NAA16: variants seen among roughly 807,000 people sequenced by gnomAD.
NAA16 encodes the protein NARG1-like protein.
Under a neutral mutation model 110.3 loss-of-function variants are expected in NAA16, and 97 were observed. The observed-to-expected ratio is 0.88, with a 90% confidence interval of 0.75 to 1.04. The LOEUF (loss-of-function observed/expected upper bound fraction) is 1.04, where lower values mean the gene tolerates loss of function less well. Among genes scored for constraint, NAA16 ranks in the 50% least tolerant of loss-of-function variants. The probability of loss-of-function intolerance (pLI) is 0.00; values close to 1 mark genes in which losing one functional copy is unlikely to be tolerated. For synonymous variants in NAA16, 372 were observed against 330.6 expected (o/e 1.13, Z -1.36); for missense variants, 1,017 against 1,005.1 (o/e 1.01, Z -0.16).
In NAA16 at chr13:41,328,797, A is replaced by G. The variant is rs140681188; in HGVS notation, c.765A>G (p.Ala255=). ...TCAAAAACTTGATTGATCGAAATGC[A>G]GAAAATTGGTGTTATTATGAAGGCT... The part of the protein sequence containing the change: ...EVFKNLIDRN[A]ENWCYYEGLE... Residue 255 remains alanine, a synonymous_variant, in exon 7 of 20, where the codon GCA becomes GCG. Coordinates refer to ENST00000379406, the MANE Select transcript of NAA16 (RefSeq NM_024561.5). 38 of 1,606,866 alleles carry G rather than the reference A, an allele frequency of 2.4e-5. No homozygotes were observed. The highest frequency in any genetic ancestry group is 2.8e-5 in the Non-Finnish European group (33 of 1,174,032).
intron 9 of NAA16, among the ~76,000 whole-genome samples, chr13:41,338,274 A>T (rs2042436807): frequency 6.6e-6 from 1 of 152,164 alleles, no homozygotes; most frequent in African/African-American, 2.4e-5. Context: ...ACATTAAAGG[A>T]TTTGTTTCTC....
chr13:41,343,929 C>T (rs924567970), intron 9 of NAA16, among the ~76,000 whole-genome samples: 2 of 152,182 alleles, frequency 1.3e-5, no homozygotes, highest in Non-Finnish European at 2.9e-5. Flanking sequence ...GCCTTGGCCT[C>T]CCAAAGTGCT....
chr13:41,317,421 A>T (rs1422584558), intron 2 of NAA16, among the ~76,000 whole-genome samples: 1 of 152,154 alleles, frequency 6.6e-6, no homozygotes, highest in Non-Finnish European at 1.5e-5. Context: ...GTTTTCTAAC[A>T]CTGGTGTTAA....
intron 6 of NAA16, among the ~76,000 whole-genome samples, chr13:41,326,493 CTCT>C (rs1331278280): frequency 1.3e-5 from 2 of 152,242 alleles, no homozygotes; most frequent in Admixed American, 1.3e-4. Flanking sequence ...GATTTTAAAA[CTCT>C]TCTTCTATTT....
intron 2 of NAA16, 146 bp from the exon 3 acceptor site, chr13:41,318,660 A>G (rs907146545): frequency 1.2e-5 from 5 of 414,000 alleles, no homozygotes; most frequent in Non-Finnish European, 2.1e-5. Context: ...TACTTTTTCT[A>G]CTTGGAGAGA....
chr13:41,347,205 A>G (rs1374853351), intron 9 of NAA16, among the ~76,000 whole-genome samples: 2 of 123,706 alleles, frequency 1.6e-5, no homozygotes, highest in Non-Finnish European at 3.3e-5. Flanking sequence ...ACAGAGCGAG[A>G]CTCCGTCTCA....
intron 8 of NAA16, 73 bp downstream of exon 8, chr13:41,331,442 G>T: frequency 1.8e-6 from 2 of 1,095,416 alleles, no homozygotes; most frequent in South Asian, 1.5e-5. Flanking sequence ...TTTTAGAAAC[G>T]TGTTTCTGGT....
chr13:41,374,560 A>T (rs948416916), intron 18 of NAA16, 182 bp from the exon 19 acceptor site: 2 of 486,172 alleles, frequency 4.1e-6, no homozygotes, highest in African/African-American at 3.9e-5. Flanking sequence ...TATCAATGGG[A>T]TGCTACTGAA....
In NAA16 at chr13:41,366,014, C is replaced by A. The variant is rs530336176; in HGVS notation, c.1540-1425C>A. On this transcript the variant is annotated intron_variant, in intron 13 of 19. Coordinates refer to ENST00000379406, the MANE Select transcript of NAA16 (RefSeq NM_024561.5). The stretch of plus-strand genomic sequence containing the variant: ...ATTGAATTTTTAAAATATTCTTGTG[C>A]TAGTTATAACTTGATTTACATTAAG... Among the ~76,000 whole-genome samples the A allele has an allele frequency of 6.6e-5, 10 of 152,080 alleles. No homozygotes were observed. The South Asian group carries it at 1.9e-3, about 28-fold the overall frequency.
At chr13:41,370,810 G>C (rs896583712) in intron 15 of NAA16, among the ~76,000 whole-genome samples, 1 of 152,134 alleles carries the variant, frequency 6.6e-6, no homozygotes, top group Non-Finnish European at 1.5e-5. Flanking sequence ...GACCTTTAAG[G>C]CTCATTATGC....
chr13:41,370,005 T>C (rs1450094797), intron 15 of NAA16, among the ~76,000 whole-genome samples: 2 of 152,208 alleles, frequency 1.3e-5, no homozygotes, highest in African/African-American at 2.4e-5. Flanking sequence ...TTTTACCTTA[T>C]ATGTCTTACT....
At chr13:41,323,014 A>G in intron 4 of NAA16, 42 bp from the exon 5 acceptor site, 2 of 1,553,694 alleles carry the variant, frequency 1.3e-6, no homozygotes, top group East Asian at 2.2e-5. Flanking sequence ...TGATGAAATA[A>G]TGTTTTAGAG....
intron 18 of NAA16, 67 bp from the exon 19 acceptor site, chr13:41,374,675 C>A (rs530401183): frequency 3.8e-6 from 4 of 1,048,026 alleles, no homozygotes; most frequent in Non-Finnish European, 5.8e-6. Context: ...AAGTCACTGG[C>A]CAGTTGATAT....
chr13:41,323,413 C>T (rs1441224120), intron 5 of NAA16, among the ~76,000 whole-genome samples: 6 of 150,484 alleles, frequency 4.0e-5, no homozygotes, highest in African/African-American at 7.3e-5. Flanking sequence ...TGCAGTGGCA[C>T]GATCTCGGCT....
rs888420094 is a variant in NAA16, at chr13:41,376,572, T to G, written c.*970T>G. 4 of 152,186 alleles carry G rather than the reference T, an allele frequency of 2.6e-5. No homozygotes were observed. The highest frequency in any genetic ancestry group is 9.7e-5 in the African/African-American group (4 of 41,440). The allele number at this position is 152,186 out of a possible 1,614,324, so 9.4% of individuals were successfully genotyped here. On this transcript the variant is annotated 3_prime_UTR_variant, in exon 20 of 20. Transcript: ENST00000379406. ...ATTAATGCTTTCTTAACTAAGTTAC[T>G]TTGAGTATTAACAAGTAGCTTATAC...
At chr13:41,374,087 G>A (rs1386169961) in intron 18 of NAA16, among the ~76,000 whole-genome samples, 1 of 151,482 alleles carries the variant, frequency 6.6e-6, no homozygotes, top group Non-Finnish European at 1.5e-5. Context: ...CTGAAAGGAA[G>A]TGTCTACGAA....
intron 13 of NAA16, among the ~76,000 whole-genome samples, chr13:41,365,661 C>CT (rs1177718655): frequency 5.3e-5 from 8 of 152,136 alleles, no homozygotes; most frequent in African/African-American, 1.9e-4. Context: ...AGACACAGTG[C>CT]TTTCAGTGGA....
At chr13:41,348,932 C>T (rs4942037) in intron 9 of NAA16, among the ~76,000 whole-genome samples, 144,280 of 152,314 alleles carry the variant, frequency 0.95, 68,406 homozygotes, top group South Asian at 0.99. Context: ...TTGGCATATG[C>T]GTGTCATAGT....
chr13:41,374,489 G>A (rs2043389573), intron 18 of NAA16: 1 of 272,854 alleles, frequency 3.7e-6, no homozygotes, highest in Non-Finnish European at 6.9e-6. Flanking sequence ...CCATCATTTT[G>A]TGAAGGAAGA....
Sources: gnomAD v4.1 joint callset for allele counts (sites outside exome capture counted in the v4.1 genomes callset) on GRCh38, gnomAD v4.1.1 for gene constraint, MANE v1.5 for transcripts, NCBI Gene and HGNC (gene_info 2026-07-23, HGNC 2026-07-21) for gene names.